The following TCF4 variants were observed in gnomAD, a reference collection of about 807,000 sequenced individuals.
TCF4 encodes the protein transcription factor 4, also known as SL3-3 enhancer factor 2.
In TCF4, 3 loss-of-function variants were observed where a neutral mutation model predicts 82.1. That is an observed-to-expected ratio of 0.04 (90% confidence interval 0.02 to 0.09). TCF4 has a LOEUF of 0.09. Among genes scored for constraint, TCF4 ranks in the 10% least tolerant of loss-of-function variants. TCF4 has a pLI of 1.00. For synonymous variants in TCF4, 276 were observed against 309.6 expected, an observed-to-expected ratio of 0.89 and a Z score of 1.14; for missense variants, 518 against 852.7, an observed-to-expected ratio of 0.61 and a Z score of 4.89.
chr18:55,314,375 C>T (rs1035799943), intron 8 of TCF4, among the ~76,000 whole-genome samples: 1 of 152,048 alleles, frequency 6.6e-6, no homozygotes, highest in African/African-American at 2.4e-5. Flanking sequence ...GTAAACATTT[C>T]TGCAATTTAT....
intron 8 of TCF4, among the ~76,000 whole-genome samples, chr18:55,329,970 G>A (rs1028304721): frequency 1.3e-5 from 2 of 152,098 alleles, no homozygotes; most frequent in African/African-American, 2.4e-5. Flanking sequence ...CCTTACTGCC[G>A]AGTGGGTTGT....
intron 3 of TCF4, among the ~76,000 whole-genome samples, chr18:55,532,544 A>G (rs2097075385): frequency 2.6e-5 from 4 of 152,216 alleles, no homozygotes; most frequent in African/African-American, 9.6e-5. Context: ...TGTCAAACCT[A>G]AACATACAAA....
intron 5 of TCF4, among the ~76,000 whole-genome samples, chr18:55,405,478 T>C (rs2094040627): frequency 6.6e-6 from 1 of 152,188 alleles, no homozygotes; most frequent in Admixed American, 6.5e-5. Context: ...AAATACAGTT[T>C]AAGGAAGAAA....
chr18:55,565,199 A>C (rs929609082), intron 3 of TCF4, among the ~76,000 whole-genome samples: 1 of 152,216 alleles, frequency 6.6e-6, no homozygotes, highest in African/African-American at 2.4e-5. Flanking sequence ...AAATGGTGAC[A>C]GAAGTCAGAC....
chr18:55,261,414 A>G, intron 12 of TCF4, 52 bp downstream of exon 12: 1 of 1,594,928 alleles, frequency 6.3e-7, no homozygotes, highest in South Asian at 1.1e-5. Flanking sequence ...TTCTGATTAA[A>G]GTTCACCCTT....
chr18:55,224,799 T>C lies in TCF4; in HGVS notation c.*3236A>G, dbSNP rs545123534. 6.6e-6 allele frequency: 1 copy of C among 152,662 alleles called. No homozygotes were observed. Among genetic ancestry groups the C allele is most frequent in the East Asian group, 1.9e-4 (1 of 5,182 alleles). 9.5% of individuals were successfully genotyped at this position (152,662 alleles called of 1,614,324 possible). On this transcript the variant is annotated 3_prime_UTR_variant, in exon 20 of 20. Coordinates refer to ENST00000354452, the MANE Select transcript of TCF4 (RefSeq NM_001083962.2). ...TGGTAAAAATTTCTAGATGAACAGA[T>C]CCCTATTCTGCATATTCATAAATTA...
At chr18:55,239,839 A>C (rs1200749231) in intron 15 of TCF4, among the ~76,000 whole-genome samples, 1 of 152,182 alleles carries the variant, frequency 6.6e-6, no homozygotes, top group Non-Finnish European at 1.5e-5. Context: ...ACAAACAAAA[A>C]AGACATTCAA....
At chr18:55,599,649 A>G (rs1040382106) in intron 2 of TCF4, among the ~76,000 whole-genome samples, 40 of 152,326 alleles carry the variant, frequency 2.6e-4, no homozygotes, top group African/African-American at 9.1e-4. Flanking sequence ...TGAACCCAGG[A>G]GGCAGGGATT....
At chr18:55,519,433 C>CAA (rs34106037) in intron 3 of TCF4, among the ~76,000 whole-genome samples, 10,496 of 115,270 alleles carry the variant, frequency 0.091, 582 homozygotes, top group East Asian at 0.37. Flanking sequence ...GACCCCGTCT[C>CAA]AAAAAAAGAA....
intron 8 of TCF4, among the ~76,000 whole-genome samples, chr18:55,304,201 G>A (rs2069367486): frequency 6.6e-6 from 1 of 152,144 alleles, no homozygotes; most frequent in African/African-American, 2.4e-5. Flanking sequence ...GAAGGAAGTG[G>A]CCAAGGTGGT....
rs895896671 is a variant in TCF4, at chr18:55,403,346, C to T, written c.369+108G>A. ...AAGAGAGAGCCATCATCTGACTTGCCGGTGCATCTTTGGTGTCACAGTTTA... is the reference window on the plus strand; with the variant it reads ...AAGAGAGAGCCATCATCTGACTTGCTGGTGCATCTTTGGTGTCACAGTTTA... On this transcript the variant is annotated intron_variant, in intron 6 of 19. Transcript: ENST00000354452. 28 of 1,240,356 alleles carry T rather than the reference C, an allele frequency of 2.3e-5. No homozygotes were observed. The Admixed American group carries it at 2.9e-4, about 13-fold the overall frequency. The allele number at this position is 1,240,356 out of a possible 1,614,324, so 76.8% of individuals were successfully genotyped here.
intron 13 of TCF4, among the ~76,000 whole-genome samples, chr18:55,258,818 C>A (rs1264709328): frequency 6.6e-6 from 1 of 152,118 alleles, no homozygotes. Context: ...GAATCTGGTA[C>A]AGAACCCGAG....
chr18:55,372,240 T>G (rs1310760225), intron 6 of TCF4, among the ~76,000 whole-genome samples: 2 of 151,990 alleles, frequency 1.3e-5, no homozygotes, highest in African/African-American at 2.4e-5. Flanking sequence ...GAATAACAAT[T>G]TTGAATTATT....
At chr18:55,564,039 A>G (rs1305782848) in intron 3 of TCF4, among the ~76,000 whole-genome samples, 1 of 152,238 alleles carries the variant, frequency 6.6e-6, no homozygotes, top group Non-Finnish European at 1.5e-5. Context: ...CACGCACTGA[A>G]CCAAAGAGTC....
intron 5 of TCF4, among the ~76,000 whole-genome samples, chr18:55,449,521 A>G (rs1484839943): frequency 2.0e-5 from 3 of 152,210 alleles, no homozygotes; most frequent in Non-Finnish European, 2.9e-5. Flanking sequence ...GTATTGCCCA[A>G]TTAAGTGCAA....
At chr18:55,471,332 C>G (rs1234006005) in intron 3 of TCF4, among the ~76,000 whole-genome samples, 2 of 152,138 alleles carry the variant, frequency 1.3e-5, no homozygotes, top group Non-Finnish European at 1.5e-5. Flanking sequence ...AGAAACTCGA[C>G]AAGAAGCTTC....
chr18:55,283,998 T>A (rs890092080), intron 8 of TCF4, among the ~76,000 whole-genome samples: 1 of 152,180 alleles, frequency 6.6e-6, no homozygotes, highest in Non-Finnish European at 1.5e-5. Flanking sequence ...AAAAAATAAT[T>A]CCTTGCTTTT....
intron 3 of TCF4, among the ~76,000 whole-genome samples, chr18:55,564,762 AGAAGATAAT>A (rs2097387177): frequency 6.6e-6 from 1 of 152,224 alleles, no homozygotes; most frequent in Non-Finnish European, 1.5e-5. Flanking sequence ...AGATGACTTA[AGAAGATAAT>A]GTACCAGAGA....
At chr18:55,534,335 T>C (rs2097096416) in intron 3 of TCF4, among the ~76,000 whole-genome samples, 1 of 152,104 alleles carries the variant, frequency 6.6e-6, no homozygotes, top group Non-Finnish European at 1.5e-5. Context: ...ACACCATAAA[T>C]GAATGCACAA....
Sources: gnomAD v4.1 joint callset for allele counts (sites outside exome capture counted in the v4.1 genomes callset) on GRCh38, gnomAD v4.1.1 for gene constraint, MANE v1.5 for transcripts, NCBI Gene and HGNC (gene_info 2026-07-23, HGNC 2026-07-21) for gene names.